The following ST7 variants were observed in gnomAD, a reference collection of about 807,000 sequenced individuals.
The protein encoded by ST7 is suppressor of tumorigenicity 7 protein.
A neutral mutation model predicts 78.7 loss-of-function variants in ST7; 28 were observed. The observed-to-expected ratio is 0.36, with a 90% CI of 0.26 to 0.49. ST7 has a LOEUF of 0.49. Among genes scored for constraint, ST7 ranks in the 20% least tolerant of loss-of-function variants. ST7 has a pLI of 0.99. For missense variants in ST7, 418 were observed against 696.0 expected, an observed-to-expected ratio of 0.60 and a Z score of 4.49; for synonymous variants, 247 against 249.6, an observed-to-expected ratio of 0.99 and a Z score of 0.10.
intron 1 of ST7, among the ~76,000 whole-genome samples, chr7:117,082,071 C>T (rs896966984): frequency 2.0e-5 from 3 of 152,182 alleles, no homozygotes. Flanking sequence ...CTCAGCTCTG[C>T]TGTTAAGGCC....
At chr7:117,068,235 TTTTCTTTTTC>T (rs1334267994) in intron 1 of ST7, among the ~76,000 whole-genome samples, 1 of 152,162 alleles carries the variant, frequency 6.6e-6, no homozygotes, top group African/African-American at 2.4e-5. Context: ...TTTTCTTTTT[TTTTCTTTTTC>T]ACTATTCTTT....
At chr7:117,129,702 T>C (rs1317371196) in intron 3 of ST7, 91 bp from the exon 4 acceptor site, 2 of 992,020 alleles carry the variant, frequency 2.0e-6, no homozygotes, top group Non-Finnish European at 3.2e-6. Flanking sequence ...AATTATCTTA[T>C]CAAATGGCAG....
chr7:116,976,014 A>T (rs1408436324), intron 1 of ST7, among the ~76,000 whole-genome samples: 1 of 152,042 alleles, frequency 6.6e-6, no homozygotes, highest in Non-Finnish European at 1.5e-5. Flanking sequence ...TAATCCCAGC[A>T]CTTTGGGAGG....
chr7:117,229,728 T>C, intron 15 of ST7, 34 bp from the exon 16 acceptor site: 5 of 1,563,108 alleles, frequency 3.2e-6, no homozygotes, highest in Non-Finnish European at 4.3e-6. Flanking sequence ...ACAAGGTTTC[T>C]GCTGACTTCT....
chr7:117,152,250 G>C (rs574573387), intron 9 of ST7, among the ~76,000 whole-genome samples: 1 of 122,446 alleles, frequency 8.2e-6, no homozygotes, highest in East Asian at 2.6e-4. Flanking sequence ...AGTTTCTTTA[G>C]TGAACACCTC....
rs568424607 is a variant in ST7 at position 116,974,818 on chromosome 7, G to T, written c.151+21127G>T. 2.0e-5 allele frequency among the ~76,000 whole-genome samples: 3 copies of T among 152,186 alleles called. No individual in the cohort carries two copies. In the South Asian group the frequency reaches 6.2e-4, roughly 32 times the overall value. On this transcript the variant is annotated intron_variant, in intron 1 of 15. Transcript: ENST00000323984. ...TTAATATAATTATATTTTCTAAATA[G>T]GGCCAGGACTAAGGTGAGGCAAGTG...
chr7:116,996,558 A>G (rs532367868), intron 1 of ST7, among the ~76,000 whole-genome samples: 2 of 152,228 alleles, frequency 1.3e-5, no homozygotes, highest in East Asian at 1.9e-4. Context: ...AGGTGGCTAC[A>G]GTCTCTTCGT....
intron 2 of ST7, among the ~76,000 whole-genome samples, chr7:117,112,066 A>G (rs1802472896): frequency 6.6e-6 from 1 of 152,062 alleles, no homozygotes. Flanking sequence ...ATATGTATAT[A>G]GATATACATA....
intron 3 of ST7, among the ~76,000 whole-genome samples, chr7:117,125,598 T>G (rs894236916): frequency 6.6e-6 from 1 of 152,090 alleles, no homozygotes; most frequent in Non-Finnish European, 1.5e-5. Context: ...TTTAAATTGA[T>G]CTGAATAATG....
intron 1 of ST7, chr7:116,968,408 A>C (rs867871001): frequency 1.6e-5 from 7 of 444,732 alleles, no homozygotes; most frequent in Middle Eastern, 3.3e-4. Context: ...GTGTCTTACT[A>C]TGTTGACCGT....
intron 1 of ST7, among the ~76,000 whole-genome samples, chr7:116,957,757 C>T (rs1473694139): frequency 6.6e-6 from 1 of 152,172 alleles, no homozygotes; most frequent in African/African-American, 2.4e-5. Flanking sequence ...ATAACTTATA[C>T]AGTGGTGTTG....
intron 9 of ST7, among the ~76,000 whole-genome samples, chr7:117,152,433 C>T (rs1241967342): frequency 1.3e-5 from 2 of 151,776 alleles, no homozygotes; most frequent in Non-Finnish European, 2.9e-5. Flanking sequence ...CTGTGAGGCT[C>T]TTCTCAGAAC....
chr7:117,223,041 G>T (rs535425471), intron 15 of ST7: 10 of 1,188,752 alleles, frequency 8.4e-6, no homozygotes, highest in South Asian at 1.2e-5. Context: ...CCTGACCTCC[G>T]CCATCCACCC....
Position 117,119,604 on chromosome 7 carries a change from T to C in ST7, c.278T>C (p.Ile93Thr). 1 of 1,612,986 alleles carries C rather than the reference T, an allele frequency of 6.2e-7. No homozygotes were observed. ...TTTCGCAAATACGGAACTTCATTCA[T>C]TGAACAAGTCTCAGTAAGCCACTTG... is the stretch of plus-strand genomic sequence containing the variant. ...WYFRKYGTSFIEQVSVSHLRP... is the reference protein window; with the variant it reads ...WYFRKYGTSFTEQVSVSHLRP... The change falls in exon 3 of 16, where the codon ATT (isoleucine) becomes ACT (threonine). Residue 93 changes from isoleucine (I) to threonine (T), a missense_variant. By Grantham distance (89) the Ile-to-Thr change is moderately conservative (BLOSUM62 -1). Around this residue, in one of 4 missense-constraint regions of ST7, gnomAD observed 23 missense variants for 67.7 expected, o/e 0.34. Coordinates refer to ENST00000323984, the MANE Select transcript of ST7 (RefSeq NM_001369598.1).
At chr7:117,227,955 C>T (rs1298129314) in intron 15 of ST7, among the ~76,000 whole-genome samples, 4 of 152,328 alleles carry the variant, frequency 2.6e-5, no homozygotes, top group South Asian at 2.1e-4. Context: ...CAACCTGACA[C>T]GCAGGGCCCT....
intron 1 of ST7, among the ~76,000 whole-genome samples, chr7:117,007,455 G>A (rs1335406820): frequency 6.6e-6 from 1 of 152,188 alleles, no homozygotes; most frequent in Non-Finnish European, 1.5e-5. Flanking sequence ...GCTAGCAGAG[G>A]TTGGTTTATT....
intron 9 of ST7, among the ~76,000 whole-genome samples, chr7:117,162,373 G>T (rs988437046): frequency 2.0e-5 from 3 of 151,872 alleles, no homozygotes; most frequent in African/African-American, 7.3e-5. Context: ...TCCACATTAA[G>T]ATATCTTAAG....
At chr7:117,179,876 G>A (rs186798985) in intron 10 of ST7, among the ~76,000 whole-genome samples, 102 of 152,252 alleles carry the variant, frequency 6.7e-4, no homozygotes, top group African/African-American at 2.2e-3. Context: ...AATCACAGTG[G>A]GAAAGCACTC....
chr7:117,112,020 A>C (rs1045416176), intron 2 of ST7, among the ~76,000 whole-genome samples: 11 of 152,162 alleles, frequency 7.2e-5, no homozygotes, highest in Non-Finnish European at 1.6e-4. Flanking sequence ...GGATCAATAC[A>C]CATTTTAATA....
Sources: allele counts gnomAD v4.1 joint callset (sites outside exome capture counted in the v4.1 genomes callset), GRCh38; gene constraint gnomAD v4.1.1; regional missense constraint gnomAD v4.1.1; transcripts MANE v1.5; gene names NCBI Gene and HGNC (gene_info 2026-07-23, HGNC 2026-07-21).